Variants in PHEX observed in about 807,000 individuals in gnomAD.
PHEX encodes the protein phosphate-regulating neutral endopeptidase PHEX.
Under a neutral mutation model 68.0 loss-of-function variants are expected in PHEX, and 16 were observed. The ratio of observed to expected loss-of-function variants is 0.24; its 90% CI spans 0.16 to 0.36. The LOEUF (loss-of-function observed/expected upper bound fraction) is 0.36, where lower values mean the gene tolerates loss of function less well. Ranked by LOEUF, PHEX falls within the 10% of genes least tolerant of loss-of-function variation. The pLI is 1.00. For missense variants in PHEX, 480 were observed against 575.5 expected (o/e 0.83, Z 1.70); for synonymous variants, 208 against 205.1 (o/e 1.01, Z -0.12).
chrX:22,099,447 T>G (rs372598529), intron 9 of PHEX: 6 of 265,601 alleles, frequency 2.3e-5, no homozygotes, highest in African/African-American at 1.1e-4. Context: ...TGATGTTATT[T>G]TCTAAAATGT....
chrX:22,160,274 C>T (rs994943533), intron 12 of PHEX, among the ~76,000 whole-genome samples: 110 of 111,744 alleles, frequency 9.8e-4, no homozygotes, highest in East Asian at 8.5e-4. Flanking sequence ...GCAGGCTGGG[C>T]ACAGTGTCTC....
At chrX:22,052,915 C>G (rs993559501) in intron 3 of PHEX, among the ~76,000 whole-genome samples, 5 of 109,788 alleles carry the variant, frequency 4.6e-5, no homozygotes, top group Non-Finnish European at 9.5e-5. Flanking sequence ...ACCTACATAA[C>G]CAAAAACTAC....
intron 11 of PHEX, among the ~76,000 whole-genome samples, chrX:22,132,095 T>C (rs1020432140): frequency 6.3e-5 from 7 of 110,913 alleles, no homozygotes; most frequent in African/African-American, 2.3e-4. Flanking sequence ...GACCTACCAT[T>C]TTATTTTATT....
intron 3 of PHEX, among the ~76,000 whole-genome samples, chrX:22,062,706 G>A (rs1191217110): frequency 9.0e-6 from 1 of 110,874 alleles, no homozygotes; most frequent in Non-Finnish European, 1.9e-5. Flanking sequence ...CCCATTCTCA[G>A]AGATTCTCAT....
rs56899587 is a variant in PHEX, at chrX:22,216,492, C to CTTATTTAT, written c.1701-2507_1701-2500dup. On this transcript the variant is annotated intron_variant, in intron 16 of 21. Transcript: ENST00000379374. Reference sequence around the variant, plus strand: ...AAAAGGGCGAGTTTATTTTTTTATGCTTATTTATTTATTTATTTATTTATT... The same window carrying CTTATTTAT: ...AAAAGGGCGAGTTTATTTTTTTATGCTTATTTATTTATTTATTTATTTATTTATTTATT... 6.2e-3 allele frequency among the ~76,000 whole-genome samples: 549 copies of CTTATTTAT among 88,029 alleles called. 3 individuals carry two copies. The highest frequency in any genetic ancestry group is 6.9e-3 in the Non-Finnish European group (321 of 46,504). The allele number at this position is 88,029 out of a possible 115,157, so 76.4% of individuals were successfully genotyped here.
At chrX:22,132,822 G>A (rs749420111) in intron 11 of PHEX, among the ~76,000 whole-genome samples, 45 of 110,548 alleles carry the variant, frequency 4.1e-4, no homozygotes, top group Admixed American at 9.6e-4. Context: ...CTGTATACCC[G>A]TATAATTCAT....
chrX:22,087,465 G>A (rs1299665196), intron 5 of PHEX, among the ~76,000 whole-genome samples: 2 of 111,569 alleles, frequency 1.8e-5, no homozygotes, highest in Non-Finnish European at 3.8e-5. Flanking sequence ...TGTTTTGAAA[G>A]TGCCTTTTTT....
rs150950790 is a variant in PHEX at position 22,191,176 on chromosome X, C to T, written c.1645+674C>T. Among the ~76,000 whole-genome samples, 1,043 of 111,007 alleles carry T rather than the reference C, an allele frequency of 9.4e-3. 14 individuals are homozygous for T. Among genetic ancestry groups the T allele is most frequent in the African/African-American group, 0.032 (983 of 30,507 alleles). ...CTAGGAGTACAGGTGTGCACCACCA[C>T]GCCCAGCTAAATTTTTTTTATTTGT... On this transcript the variant is annotated intron_variant, in intron 15 of 21. Transcript: ENST00000379374.
At chrX:22,224,998 A>ATTTATTATCATACAGATCTGT (rs1198882224) in intron 18 of PHEX, among the ~76,000 whole-genome samples, 1 of 107,416 alleles carries the variant, frequency 9.3e-6, no homozygotes, top group African/African-American at 3.4e-5. Context: ...TGTATGTCAG[A>ATTTATTATCATACAGATCTGT]AGTCTGACAT....
At chrX:22,147,888 A>T (rs1275094253) in intron 12 of PHEX, among the ~76,000 whole-genome samples, 6 of 90,169 alleles carry the variant, frequency 6.7e-5, no homozygotes, top group Non-Finnish European at 1.3e-4. Flanking sequence ...TGCTCATAGA[A>T]GATTTTGGAG....
chrX:22,095,664 G>A (rs779616133), intron 7 of PHEX, among the ~76,000 whole-genome samples: 1 of 112,166 alleles, frequency 8.9e-6, no homozygotes, highest in African/African-American at 3.2e-5. Flanking sequence ...CCTGTGGAGG[G>A]TGAAGAAAGG....
chrX:22,103,605 C>G (rs1015298421), intron 9 of PHEX, among the ~76,000 whole-genome samples: 6 of 112,085 alleles, frequency 5.4e-5, no homozygotes, highest in African/African-American at 1.9e-4. Context: ...ATCTTCAGCT[C>G]TATCCAGGCT....
At position 22,084,297 on chromosome X, in the gene PHEX, A is replaced by G. The variant is rs775849257; in HGVS notation, c.664-6132A>G. Among the ~76,000 whole-genome samples the G allele has an allele frequency of 2.6e-4, 29 of 111,643 alleles. 1 individual carries two copies. In the South Asian group the frequency reaches 0.01, roughly 39 times the overall value. ...CCACTGCACCCAGCATATCATGTCT[A>G]TTGATTTGTGTATGTTGAACTATCC... is the stretch of plus-strand genomic sequence containing the variant. On this transcript the variant is annotated intron_variant, in intron 5 of 21. Coordinates refer to ENST00000379374, the MANE Select transcript of PHEX (RefSeq NM_000444.6).
chrX:22,104,458 G>C (rs1411783714), intron 9 of PHEX, among the ~76,000 whole-genome samples: 1 of 110,850 alleles, frequency 9.0e-6, no homozygotes, highest in East Asian at 2.8e-4. Flanking sequence ...AAGGGGGGTG[G>C]GGTAAGGAGG....
intron 18 of PHEX, among the ~76,000 whole-genome samples, 178 bp downstream of exon 18, chrX:22,221,921 G>C (rs867927242): frequency 8.9e-5 from 10 of 111,939 alleles, no homozygotes; most frequent in South Asian, 7.5e-4. Context: ...TTTGGGGTTG[G>C]GGCCTGGTCA....
At chrX:22,100,583 G>C (rs893560423) in intron 9 of PHEX, among the ~76,000 whole-genome samples, 1 of 111,277 alleles carries the variant, frequency 9.0e-6, no homozygotes, top group African/African-American at 3.3e-5. Flanking sequence ...AAAAGAGTAG[G>C]TACTTCTGAA....
At chrX:22,242,532 T>C (rs1267282998) in intron 20 of PHEX, among the ~76,000 whole-genome samples, 1 of 111,601 alleles carries the variant, frequency 9.0e-6, no homozygotes, top group Non-Finnish European at 1.9e-5. Context: ...GAAAACCCCA[T>C]CGTCTCAGCC....
At chrX:22,150,816 C>T (rs1400079240) in intron 12 of PHEX, among the ~76,000 whole-genome samples, 1 of 112,547 alleles carries the variant, frequency 8.9e-6, no homozygotes, top group Admixed American at 9.4e-5. Flanking sequence ...CATTTAGGCT[C>T]TGTTTACAAA....
Position 22,038,592 on chromosome X carries a change from T to C in PHEX, c.187+55T>C, listed in dbSNP as rs964844973. ...GTTATAATTATGGTACCTTGGGAAG[T>C]GGAAGAGAAGACAGGTGGTATTTTT... On this transcript the variant is annotated intron_variant, in intron 2 of 21. Transcript: ENST00000379374. The C allele has an allele frequency of 3.7e-5, 29 of 780,133 alleles. No homozygotes were observed. The African/African-American group carries it at 4.9e-4, about 13-fold the overall frequency. 64.3% of individuals were successfully genotyped at this position (780,133 alleles called of 1,213,427 possible). A position where few individuals can be genotyped will look rare whatever the true frequency, so the allele number is the denominator to read the frequency against.
Sources: gnomAD v4.1 joint callset for allele counts (sites outside exome capture counted in the v4.1 genomes callset) on GRCh38, gnomAD v4.1.1 for gene constraint, MANE v1.5 for transcripts, NCBI Gene and HGNC (gene_info 2026-07-23, HGNC 2026-07-21) for gene names.